The following NKAIN2 variants were observed in gnomAD, a reference collection of about 807,000 sequenced individuals.
NKAIN2 encodes sodium/potassium transporting ATPase interacting 2.
A neutral mutation model predicts 32.6 loss-of-function variants in NKAIN2; 14 were observed. The observed-to-expected ratio is 0.43, with a 90% CI of 0.28 to 0.67. The LOEUF is 0.67. Among genes scored for constraint, NKAIN2 ranks in the 30% least tolerant of loss-of-function variants. The pLI is 0.17. For missense variants in NKAIN2, 198 were observed against 258.3 expected, an observed-to-expected ratio of 0.77 and a Z score of 1.60; for synonymous variants, 80 against 87.2, an observed-to-expected ratio of 0.92 and a Z score of 0.46.
At chr6:124,037,236 A>T (rs1206479749) in intron 1 of NKAIN2, among the ~76,000 whole-genome samples, 1 of 152,174 alleles carries the variant, frequency 6.6e-6, no homozygotes, top group Non-Finnish European at 1.5e-5. Flanking sequence ...AAATAAGTAG[A>T]TTCATAAAAT....
At chr6:124,606,794 T>C (rs1478590878) in intron 3 of NKAIN2, among the ~76,000 whole-genome samples, 1 of 152,140 alleles carries the variant, frequency 6.6e-6, no homozygotes, top group Non-Finnish European at 1.5e-5. Context: ...GAACTTGTCA[T>C]CTGGATCACT....
intron 1 of NKAIN2, among the ~76,000 whole-genome samples, chr6:124,192,003 GTCT>G (rs142466840): frequency 0.12 from 17,835 of 151,704 alleles, 2,466 homozygotes; most frequent in African/African-American, 0.33. Flanking sequence ...TTCTTAATTA[GTCT>G]TCTTAGGAGT....
chr6:124,306,896 AT>A (rs1041112623), intron 2 of NKAIN2, among the ~76,000 whole-genome samples: 32 of 152,276 alleles, frequency 2.1e-4, no homozygotes, highest in African/African-American at 7.7e-4. Flanking sequence ...ATCAGCCAAT[AT>A]TTGCTAACCT....
Position 124,361,481 on chromosome 6 carries a change from C to A in NKAIN2, c.273+6134C>A, listed in dbSNP as rs572029445. Among the ~76,000 whole-genome samples the A allele has an allele frequency of 1.2e-4, 18 of 152,070 alleles. 1 individual carries two copies. In the South Asian group the frequency reaches 3.7e-3, roughly 31 times the overall value. On this transcript the variant is annotated intron_variant, in intron 3 of 6. Coordinates refer to ENST00000368417, the MANE Select transcript of NKAIN2 (RefSeq NM_001040214.3). ...GGGATTATTGTACACTTAAAACAAC[C>A]CAACTTGTCTTTATTTAACCCTTTG...
At chr6:124,725,171 CTTCTCAT>C (rs1328101113) in intron 4 of NKAIN2, among the ~76,000 whole-genome samples, 18 of 152,314 alleles carry the variant, frequency 1.2e-4, no homozygotes, top group Middle Eastern at 6.8e-3. Flanking sequence ...TATCTTCTCA[CTTCTCAT>C]GCCCTCTATC....
At chr6:124,571,779 A>G (rs2114919029) in intron 3 of NKAIN2, among the ~76,000 whole-genome samples, 1 of 152,198 alleles carries the variant, frequency 6.6e-6, no homozygotes, top group African/African-American at 2.4e-5. Context: ...TTTTTCTTAC[A>G]TTCCATTCTC....
At chr6:123,973,334 A>G (rs1446705103) in intron 1 of NKAIN2, among the ~76,000 whole-genome samples, 1 of 152,142 alleles carries the variant, frequency 6.6e-6, no homozygotes, top group African/African-American at 2.4e-5. Context: ...GAACTAGGGT[A>G]GGATTTGGAG....
At chr6:124,145,214 G>A (rs970751603) in intron 1 of NKAIN2, among the ~76,000 whole-genome samples, 1 of 152,152 alleles carries the variant, frequency 6.6e-6, no homozygotes, top group African/African-American at 2.4e-5. Flanking sequence ...AAACATTTTG[G>A]CAGTTCCTTA....
chr6:124,460,436 C>T (rs1296291705), intron 3 of NKAIN2, among the ~76,000 whole-genome samples: 1 of 151,716 alleles, frequency 6.6e-6, no homozygotes, highest in Non-Finnish European at 1.5e-5. Flanking sequence ...TAAATAGTAA[C>T]ATATCTTTGT....
chr6:124,809,433 T>G (rs1203139999), intron 5 of NKAIN2, among the ~76,000 whole-genome samples: 21 of 146,834 alleles, frequency 1.4e-4, no homozygotes, highest in Middle Eastern at 3.4e-3. Context: ...TAGCCATATG[T>G]AGAAAGCTGA....
chr6:124,666,866 G>C (rs1772823158), intron 4 of NKAIN2, among the ~76,000 whole-genome samples: 1 of 152,066 alleles, frequency 6.6e-6, no homozygotes, highest in Non-Finnish European at 1.5e-5. Context: ...ATAACAAGCT[G>C]TTTTGTAATT....
intron 1 of NKAIN2, among the ~76,000 whole-genome samples, chr6:123,930,237 T>C (rs962479447): frequency 6.6e-6 from 1 of 152,204 alleles, no homozygotes; most frequent in African/African-American, 2.4e-5. Flanking sequence ...GCTTCAATTA[T>C]TGGGCTTTTT....
chr6:124,338,986 G>A (rs1036999284), intron 2 of NKAIN2, among the ~76,000 whole-genome samples: 4 of 152,208 alleles, frequency 2.6e-5, no homozygotes, highest in Non-Finnish European at 5.9e-5. Context: ...CATGGCTGCT[G>A]TAACAAATTA....
At chr6:124,602,019 T>C (rs953367399) in intron 3 of NKAIN2, among the ~76,000 whole-genome samples, 11 of 152,080 alleles carry the variant, frequency 7.2e-5, no homozygotes, top group Admixed American at 3.3e-4. Flanking sequence ...ATAATCATTG[T>C]GTAGGCATCA....
chr6:124,349,055 G>A (rs918303696), intron 2 of NKAIN2, among the ~76,000 whole-genome samples: 25 of 152,208 alleles, frequency 1.6e-4, no homozygotes, highest in African/African-American at 3.9e-4. Flanking sequence ...TGATTCTAAC[G>A]TAGTTTATTA....
At chr6:124,275,841 T>C (rs1158166675) in intron 1 of NKAIN2, among the ~76,000 whole-genome samples, 1 of 152,144 alleles carries the variant, frequency 6.6e-6, no homozygotes, top group African/African-American at 2.4e-5. Context: ...AATAATAGCA[T>C]CCATTTTAAG....
In NKAIN2 at chr6:124,372,949, A is replaced by T. The variant is rs560733527; in HGVS notation, c.273+17602A>T. On this transcript the variant is annotated intron_variant, in intron 3 of 6. Coordinates refer to ENST00000368417, the MANE Select transcript of NKAIN2 (RefSeq NM_001040214.3). ...GAGTTTGGATATTGTTCTAAGTGTA[A>T]GGAAACATTGAAAAACATAAGTATG... is the stretch of plus-strand genomic sequence containing the variant. 4.6e-5 allele frequency among the ~76,000 whole-genome samples: 7 copies of T among 152,294 alleles called. No individual in the cohort carries two copies. The South Asian group carries it at 1.2e-3, about 27-fold the overall frequency.
chr6:124,011,879 T>C (rs1156890520), intron 1 of NKAIN2, among the ~76,000 whole-genome samples: 1 of 152,162 alleles, frequency 6.6e-6, no homozygotes, highest in African/African-American at 2.4e-5. Flanking sequence ...TCCATGTTTT[T>C]GATCAGTTCA....
intron 3 of NKAIN2, among the ~76,000 whole-genome samples, chr6:124,387,816 G>A (rs1772975340): frequency 6.6e-6 from 1 of 151,948 alleles, no homozygotes; most frequent in Non-Finnish European, 1.5e-5. Context: ...TGTACTCCAG[G>A]CCCAGTCTGA....
Sources: gnomAD v4.1 joint callset for allele counts (sites outside exome capture counted in the v4.1 genomes callset) on GRCh38, gnomAD v4.1.1 for gene constraint, MANE v1.5 for transcripts, NCBI Gene and HGNC (gene_info 2026-07-23, HGNC 2026-07-21) for gene names.